The following DACH2 variants were observed in gnomAD, a reference collection of about 807,000 sequenced individuals.
The protein encoded by DACH2 is dachshund family transcription factor 2, also known as dachshund homolog 2.
DACH2 carries 17 observed loss-of-function variants against 35.8 expected under a neutral mutation model. The observed-to-expected ratio is 0.48, with a 90% CI of 0.33 to 0.71. DACH2 has a LOEUF of 0.71. DACH2 is among the 30% of genes least tolerant of loss of function. The probability of loss-of-function intolerance (pLI) is 0.02; values close to 1 mark genes in which losing one functional copy is unlikely to be tolerated. For missense variants in DACH2, 469 were observed against 472.7 expected (o/e 0.99, Z 0.07); for synonymous variants, 195 against 177.3 (o/e 1.10, Z -0.79).
chrX:86,345,438 GA>G, intron 1 of DACH2: 1 of 297,408 alleles, frequency 3.4e-6, no homozygotes, highest in Non-Finnish European at 6.5e-6. Flanking sequence ...GAAGGAAGAG[GA>G]AAGGAAGGAA....
intron 4 of DACH2, among the ~76,000 whole-genome samples, chrX:86,679,634 G>C (rs1034727928): frequency 9.3e-6 from 1 of 107,465 alleles, no homozygotes; most frequent in East Asian, 2.9e-4. Flanking sequence ...GTGTGTGTGT[G>C]TGTGTGTGTG....
rs1258838333 is a variant in DACH2, at chrX:86,757,757, C to A, written c.1240+17875C>A. Among the ~76,000 whole-genome samples, 9 of 112,075 alleles carry A rather than the reference C, an allele frequency of 8.0e-5. No homozygotes were observed. In the Admixed American group the frequency reaches 8.5e-4, roughly 11 times the overall value. ...TCCTGCTCCAGCCACGTAGGACGTGCTGCTTCCTCTTAGCCTTCCACCATG... is the reference window on the plus strand; with the variant it reads ...TCCTGCTCCAGCCACGTAGGACGTGATGCTTCCTCTTAGCCTTCCACCATG... On this transcript the variant is annotated intron_variant, in intron 7 of 11. Coordinates refer to ENST00000373125, the MANE Select transcript of DACH2 (RefSeq NM_053281.3).
intron 3 of DACH2, among the ~76,000 whole-genome samples, chrX:86,580,643 G>A (rs1859582814): frequency 9.0e-6 from 1 of 111,427 alleles, no homozygotes; most frequent in African/African-American, 3.3e-5. Context: ...GAAACTAAGA[G>A]CATGAAGACT....
chrX:86,699,407 C>T (rs1262252473), intron 5 of DACH2, among the ~76,000 whole-genome samples: 1 of 111,829 alleles, frequency 8.9e-6, no homozygotes, highest in East Asian at 2.8e-4. Flanking sequence ...AGAGACCTCA[C>T]AATCATGGTG....
At chrX:86,348,111 C>A (rs1389181840) in intron 1 of DACH2, among the ~76,000 whole-genome samples, 1 of 111,456 alleles carries the variant, frequency 9.0e-6, no homozygotes, top group Non-Finnish European at 1.9e-5. Flanking sequence ...AAGCTCATGG[C>A]CTCCACCGTG....
chrX:86,554,095 A>T (rs189356796), intron 3 of DACH2, among the ~76,000 whole-genome samples: 1 of 111,438 alleles, frequency 9.0e-6, no homozygotes, highest in Non-Finnish European at 1.9e-5. Flanking sequence ...ATTTAGAAAC[A>T]TTTGATAACT....
intron 1 of DACH2, among the ~76,000 whole-genome samples, chrX:86,269,851 G>A (rs747904882): frequency 9.2e-6 from 1 of 108,912 alleles, no homozygotes; most frequent in Non-Finnish European, 1.9e-5. Context: ...TTGCTGTTTG[G>A]TTTTATATAT....
chrX:86,769,069 A>G (rs927834157), intron 7 of DACH2, among the ~76,000 whole-genome samples: 1 of 111,578 alleles, frequency 9.0e-6, no homozygotes, highest in Admixed American at 9.6e-5. Flanking sequence ...AAAAAAAAAG[A>G]TCATCTCAAT....
chrX:86,295,159 C>G (rs1396916559), intron 1 of DACH2, among the ~76,000 whole-genome samples: 1 of 112,493 alleles, frequency 8.9e-6, no homozygotes, highest in Non-Finnish European at 1.9e-5. Flanking sequence ...GCACAGTATT[C>G]GGGTGGGAGT....
intron 1 of DACH2, among the ~76,000 whole-genome samples, chrX:86,166,168 C>T (rs1345771795): frequency 9.0e-6 from 1 of 110,791 alleles, no homozygotes; most frequent in Admixed American, 9.6e-5. Flanking sequence ...TTTCTGGGTT[C>T]TCTATTCTGT....
chrX:86,362,143 G>C (rs1569363758), intron 1 of DACH2, among the ~76,000 whole-genome samples: 1 of 110,946 alleles, frequency 9.0e-6, no homozygotes, highest in Non-Finnish European at 1.9e-5. Flanking sequence ...CAAATGTTAG[G>C]ATTTAGAACA....
chrX:86,394,964 T>G (rs1402719857), intron 2 of DACH2, among the ~76,000 whole-genome samples: 1 of 112,047 alleles, frequency 8.9e-6, no homozygotes, highest in Non-Finnish European at 1.9e-5. Flanking sequence ...TTGCAATTTA[T>G]TTATTTACAT....
chrX:86,424,226 C>T (rs1165614684), intron 2 of DACH2, among the ~76,000 whole-genome samples: 1 of 110,687 alleles, frequency 9.0e-6, no homozygotes, highest in Non-Finnish European at 1.9e-5. Flanking sequence ...TGAAGAATGT[C>T]ATTGGTATTT....
chrX:86,435,534 G>C (rs1222551152), intron 2 of DACH2, among the ~76,000 whole-genome samples: 5 of 111,568 alleles, frequency 4.5e-5, no homozygotes, highest in East Asian at 5.6e-4. Context: ...CAGTATTATT[G>C]GGTTTTCAAA....
intron 7 of DACH2, among the ~76,000 whole-genome samples, chrX:86,780,728 C>G (rs943171366): frequency 9.0e-6 from 1 of 111,372 alleles, no homozygotes; most frequent in African/African-American, 3.3e-5. Flanking sequence ...TGTAGCACAC[C>G]TCCTCATGGG....
At chrX:86,458,096 A>T (rs1416090437) in intron 2 of DACH2, among the ~76,000 whole-genome samples, 4 of 111,832 alleles carry the variant, frequency 3.6e-5, no homozygotes, top group Non-Finnish European at 7.5e-5. Flanking sequence ...CATGAAGGCA[A>T]ATTTTGCTTT....
intron 3 of DACH2, among the ~76,000 whole-genome samples, chrX:86,544,783 C>T (rs184666443): frequency 8.9e-5 from 10 of 111,884 alleles, no homozygotes; most frequent in South Asian, 7.6e-4. Context: ...ATCAAATCCG[C>T]GCATGCCAAT....
rs1345238527 is a variant in DACH2 at position 86,698,514 on chromosome X, G to GTTTTTTTTTTTT, written c.931+3339_931+3340insTTTTTTTTTTTT. 5.5e-3 allele frequency among the ~76,000 whole-genome samples: 187 copies of GTTTTTTTTTTTT among 34,280 alleles called. 16 individuals are homozygous for GTTTTTTTTTTTT. The highest frequency in any genetic ancestry group is 7.4e-3 in the Non-Finnish European group (149 of 20,217). The allele number at this position is 34,280 out of a possible 115,157, so 29.8% of individuals were successfully genotyped here. A position where few individuals can be genotyped will look rare whatever the true frequency, so the allele number is the denominator to read the frequency against. On this transcript the variant is annotated intron_variant, in intron 5 of 11. Transcript: ENST00000373125. ...TTAATTTCTTCTTTTTGTTTTGTTAGTTTTGTGTTTTTTTTTTTTTTTTTT... is the reference window on the plus strand; with the variant it reads ...TTAATTTCTTCTTTTTGTTTTGTTAGTTTTTTTTTTTTTTTTGTGTTTTTTTTTTTTTTTTTT...
At chrX:86,785,293 T>C (rs1028253451) in intron 7 of DACH2, among the ~76,000 whole-genome samples, 1 of 110,938 alleles carries the variant, frequency 9.0e-6, no homozygotes, top group African/African-American at 3.3e-5. Flanking sequence ...AGGCTGGAGG[T>C]ATAAATTTGG....
Sources: allele counts gnomAD v4.1 joint callset (sites outside exome capture counted in the v4.1 genomes callset), GRCh38; gene constraint gnomAD v4.1.1; transcripts MANE v1.5; gene names NCBI Gene and HGNC (gene_info 2026-07-23, HGNC 2026-07-21).